Variants in GABRA3 observed in about 807,000 individuals in gnomAD.
The protein encoded by GABRA3 is gamma-aminobutyric acid type A receptor subunit alpha3, also known as gamma-aminobutyric acid receptor subunit alpha-3.
In GABRA3, 10 loss-of-function variants were observed where a neutral mutation model predicts 30.1. The ratio of observed to expected loss-of-function variants is 0.33; its 90% confidence interval spans 0.20 to 0.56. GABRA3 has a LOEUF of 0.56. Among genes scored for constraint, GABRA3 ranks in the 20% least tolerant of loss-of-function variants. The probability of loss-of-function intolerance (pLI) is 0.89; values close to 1 mark genes in which losing one functional copy is unlikely to be tolerated. For missense variants in GABRA3, 233 were observed against 392.0 expected (o/e 0.59, Z 3.42); for synonymous variants, 151 against 146.8 (o/e 1.03, Z -0.21).
intron 4 of GABRA3, among the ~76,000 whole-genome samples, chrX:152,281,849 G>T (rs1381009880): frequency 8.9e-6 from 1 of 112,510 alleles, no homozygotes; most frequent in African/African-American, 3.2e-5. Flanking sequence ...AGATGTCCCT[G>T]ACATGTTTTC....
chrX:152,236,893 T>C lies in GABRA3; in HGVS notation c.552-12048A>G, dbSNP rs1387184868. Among the ~76,000 whole-genome samples the C allele has an allele frequency of 2.5e-4, 26 of 104,515 alleles. No homozygotes were observed. The South Asian group carries it at 0.011, about 45-fold the overall frequency. The allele number at this position is 104,515 out of a possible 115,157, so 90.8% of individuals were successfully genotyped here. A position where few individuals can be genotyped will look rare whatever the true frequency, so the allele number is the denominator to read the frequency against. ...TGAGTTCATTGTAGATTCTGGATAT[T>C]AGCCCTTTGTCAGATGAGTAGGTTG... On this transcript the variant is annotated intron_variant, in intron 5 of 9. Transcript: ENST00000370314.
At chrX:152,283,302 G>A (rs1442569977) in intron 4 of GABRA3, among the ~76,000 whole-genome samples, 2 of 111,492 alleles carry the variant, frequency 1.8e-5, no homozygotes, top group Non-Finnish European at 3.8e-5. Flanking sequence ...GTCAAATGCT[G>A]TTAAGTGCCA....
At chrX:152,217,159 G>T (rs1937739394) in intron 6 of GABRA3, among the ~76,000 whole-genome samples, 1 of 111,130 alleles carries the variant, frequency 9.0e-6, no homozygotes, top group Admixed American at 9.6e-5. Flanking sequence ...GAAAATTTTG[G>T]ATTTCTAGTG....
chrX:152,443,833 G>A (rs574316531), intron 1 of GABRA3, among the ~76,000 whole-genome samples: 3 of 112,058 alleles, frequency 2.7e-5, no homozygotes, highest in South Asian at 7.4e-4. Context: ...TATGTGATCT[G>A]TCATACAATT....
intron 5 of GABRA3, among the ~76,000 whole-genome samples, chrX:152,240,793 C>T (rs1014147864): frequency 1.0e-5 from 1 of 98,900 alleles, no homozygotes; most frequent in African/African-American, 4.0e-5. Flanking sequence ...GCATCGGCTC[C>T]TGAGGCTTCT....
intron 4 of GABRA3, among the ~76,000 whole-genome samples, chrX:152,278,068 G>A (rs924884000): frequency 4.5e-5 from 5 of 111,960 alleles, no homozygotes; most frequent in African/African-American, 1.6e-4. Context: ...CTATTTTGAA[G>A]AAACATAATT....
intron 7 of GABRA3, among the ~76,000 whole-genome samples, chrX:152,200,593 G>A (rs1054415419): frequency 9.1e-6 from 1 of 110,190 alleles, no homozygotes; most frequent in African/African-American, 3.3e-5. Context: ...TCTCCCCACT[G>A]AGAAGGCATT....
intron 3 of GABRA3, among the ~76,000 whole-genome samples, chrX:152,338,575 C>T (rs1940268035): frequency 8.9e-6 from 1 of 111,816 alleles, no homozygotes; most frequent in Non-Finnish European, 1.9e-5. Context: ...GTCATCTGTG[C>T]TTTCGAGGTC....
intron 4 of GABRA3, among the ~76,000 whole-genome samples, chrX:152,258,292 G>C (rs1049728695): frequency 9.0e-6 from 1 of 111,520 alleles, no homozygotes; most frequent in African/African-American, 3.3e-5. Flanking sequence ...AAGTTCAGTG[G>C]GTGTGTTACA....
intron 7 of GABRA3, among the ~76,000 whole-genome samples, chrX:152,206,467 A>C (rs1353952275): frequency 2.7e-5 from 3 of 111,778 alleles, no homozygotes; most frequent in Non-Finnish European, 3.8e-5. Flanking sequence ...CCTTGCTTGC[A>C]TAGTCCCGGG....
At chrX:152,424,596 A>G (rs1930465699) in intron 1 of GABRA3, among the ~76,000 whole-genome samples, 1 of 111,358 alleles carries the variant, frequency 9.0e-6, no homozygotes, top group African/African-American at 3.3e-5. Context: ...AATTATTAGC[A>G]TAGGCAAAAC....
At chrX:152,235,489 A>C (rs1938181765) in intron 5 of GABRA3, among the ~76,000 whole-genome samples, 1 of 111,408 alleles carries the variant, frequency 9.0e-6, no homozygotes, top group African/African-American at 3.3e-5. Flanking sequence ...GAAAATCCTA[A>C]AGACCCCAAC....
chrX:152,315,491 G>C (rs2063572447), intron 3 of GABRA3, among the ~76,000 whole-genome samples: 2 of 111,196 alleles, frequency 1.8e-5, no homozygotes. Context: ...CAAACGTGAA[G>C]TTTCCTGGCC....
intron 5 of GABRA3, among the ~76,000 whole-genome samples, chrX:152,237,960 T>C (rs1224850980): frequency 9.0e-6 from 1 of 110,937 alleles, no homozygotes; most frequent in Non-Finnish European, 1.9e-5. Flanking sequence ...TGACTCCCTC[T>C]TTTCCTACTT....
At chrX:152,428,699 TA>T (rs1930573393) in intron 1 of GABRA3, among the ~76,000 whole-genome samples, 1 of 111,486 alleles carries the variant, frequency 9.0e-6, no homozygotes, top group Admixed American at 9.6e-5. Context: ...ACTCCACAAG[TA>T]AAGATGACAG....
chrX:152,268,625 T>G (rs1027085251), intron 4 of GABRA3, among the ~76,000 whole-genome samples: 1 of 112,264 alleles, frequency 8.9e-6, no homozygotes, highest in Non-Finnish European at 1.9e-5. Flanking sequence ...TGGAATGCAG[T>G]GGCATGAACA....
chrX:152,206,599 C>T (rs1937547527), intron 7 of GABRA3, among the ~76,000 whole-genome samples: 1 of 111,656 alleles, frequency 9.0e-6, no homozygotes, highest in African/African-American at 3.3e-5. Flanking sequence ...TCTGCCCACA[C>T]TCCCAGTGCT....
At chrX:152,281,643 A>G (rs1013447635) in intron 4 of GABRA3, among the ~76,000 whole-genome samples, 1 of 111,810 alleles carries the variant, frequency 8.9e-6, no homozygotes, top group African/African-American at 3.2e-5. Context: ...TCATGAATGG[A>G]GAAGCCACCA....
At chrX:152,230,871 T>C (rs1217603662) in intron 5 of GABRA3, among the ~76,000 whole-genome samples, 1 of 110,598 alleles carries the variant, frequency 9.0e-6, no homozygotes, top group Non-Finnish European at 1.9e-5. Context: ...GGAGAAAATC[T>C]TTGTTATCTT....
Sources: allele counts gnomAD v4.1 joint callset (sites outside exome capture counted in the v4.1 genomes callset), GRCh38; gene constraint gnomAD v4.1.1; transcripts MANE v1.5; gene names NCBI Gene and HGNC (gene_info 2026-07-23, HGNC 2026-07-21).